Variants in SMARCD3 observed in about 807,000 individuals in gnomAD.
SMARCD3 encodes the protein SWI/SNF related BAF chromatin remodeling complex subunit D3, also known as SWI/SNF-related matrix-associated actin-dependent regulator of chromatin subfamily D member 3.
In SMARCD3, 14 loss-of-function variants were observed where a neutral mutation model predicts 58.0. That is an observed-to-expected ratio of 0.24 (90% confidence interval 0.16 to 0.38). The LOEUF (loss-of-function observed/expected upper bound fraction) is 0.38. Among genes scored for constraint, SMARCD3 ranks in the 10% least tolerant of loss-of-function variants. The pLI, the probability that SMARCD3 is intolerant of heterozygous loss-of-function variation, is 1.00. For missense variants in SMARCD3, 408 were observed against 636.9 expected (o/e 0.64, Z 3.87); for synonymous variants, 253 against 253.8 (o/e 1.00, Z 0.03).
rs138937036 is a variant in SMARCD3, at chr7:151,248,380, A to G, written c.78+105T>C. 4,378 of 974,804 alleles carry G rather than the reference A, an allele frequency of 4.5e-3. 14 individuals are homozygous for G. Among genetic ancestry groups the G allele is most frequent in the Non-Finnish European group, 5.7e-3 (3,569 of 621,890 alleles). The allele number at this position is 974,804 out of a possible 1,614,324, so 60.4% of individuals were successfully genotyped here. A position where few individuals can be genotyped will look rare whatever the true frequency, so the allele number is the denominator to read the frequency against. On this transcript the variant is annotated intron_variant, in intron 1 of 12. Coordinates refer to ENST00000262188, the MANE Select transcript of SMARCD3 (RefSeq NM_001003801.2). This position sits in a 1 kb window ranked among gnomAD's most constrained non-coding sequence, Gnocchi z 6.1. ...GCCGTGGGCCATGACGCCCCCCACT[A>G]GAGGGGTGGGAGAGCGGGAGCGCCC... is the stretch of plus-strand genomic sequence containing the variant.
At chr7:151,273,524 A>AACTGT (rs1336192643) in intron 2 of SMARCD3, among the ~76,000 whole-genome samples, 3 of 152,202 alleles carry the variant, frequency 2.0e-5, no homozygotes, top group African/African-American at 7.2e-5. Flanking sequence ...GACACCCCAG[A>AACTGT]ACTGTAGAGT....
At chr7:151,261,542 T>C (rs1803917692) in intron 2 of SMARCD3, among the ~76,000 whole-genome samples, 1 of 152,190 alleles carries the variant, frequency 6.6e-6, no homozygotes, top group Non-Finnish European at 1.5e-5. Context: ...GATTAAAATG[T>C]GGTTGAGCAT....
At chr7:151,271,584 G>A (rs566048661) in intron 2 of SMARCD3, among the ~76,000 whole-genome samples, 45 of 152,050 alleles carry the variant, frequency 3.0e-4, no homozygotes, top group Non-Finnish European at 3.2e-4. Flanking sequence ...ATGTGACTCT[G>A]TACTTAATTT....
At chr7:151,270,668 T>C (rs1474285094) in intron 2 of SMARCD3, among the ~76,000 whole-genome samples, 1 of 151,864 alleles carries the variant, frequency 6.6e-6, no homozygotes, top group Non-Finnish European at 1.5e-5. Context: ...GTGTCGGAGG[T>C]GCAGGGAACA....
At chr7:151,244,971 G>C (rs1355671217) in intron 2 of SMARCD3, among the ~76,000 whole-genome samples, 1 of 152,162 alleles carries the variant, frequency 6.6e-6, no homozygotes, top group Non-Finnish European at 1.5e-5. Flanking sequence ...CCTACCCACA[G>C]GGCAAATCCC....
At chr7:151,272,499 C>T (rs767482748) in intron 2 of SMARCD3, among the ~76,000 whole-genome samples, 1 of 152,120 alleles carries the variant, frequency 6.6e-6, no homozygotes, top group African/African-American at 2.4e-5. Context: ...GGGCATTTTC[C>T]CAGAACGATC....
intron 2 of SMARCD3, chr7:151,254,538 T>A (rs930188499): frequency 2.0e-5 from 3 of 152,440 alleles, no homozygotes; most frequent in Non-Finnish European, 4.4e-5. Flanking sequence ...CACCAGGGCT[T>A]TGGGCCAGCG....
chr7:151,262,576 C>T (rs751623251), intron 2 of SMARCD3, among the ~76,000 whole-genome samples: 2 of 152,256 alleles, frequency 1.3e-5, no homozygotes, highest in African/African-American at 2.4e-5. Flanking sequence ...TGCCCATTTA[C>T]ACCCATGACA....
chr7:151,239,480 G>C lies in SMARCD3; in HGVS notation c.1314C>G (p.Ala438=). ...SRDLKVMTDV[A]GNPEEERRAE... ...CCCGGCGCTCCTCTTCAGGGTTGCC[G>C]GCTACATCTGTCATCACCTGGGAGG... The change falls in exon 12 of 13, where the codon GCC becomes GCG. Residue 438 remains alanine, a synonymous_variant. Transcript: ENST00000262188. This position sits in a 1 kb window ranked among gnomAD's most constrained non-coding sequence, Gnocchi z 7.0. 1 of 1,613,674 alleles carries C rather than the reference G, an allele frequency of 6.2e-7. No homozygotes were observed.
At position 151,242,164 on chromosome 7, in the gene SMARCD3, A is replaced by G. The variant is rs763925762; in HGVS notation, c.648T>C (p.Leu216=). 3.1e-6 allele frequency: 5 copies of G among 1,613,906 alleles called. No individual in the cohort carries two copies. Among genetic ancestry groups the G allele is most frequent in the East Asian group, 2.2e-5 (1 of 44,892 alleles). Residue 216 remains leucine, a synonymous_variant, in exon 6 of 13, where the codon CTT becomes CTC. Coordinates refer to ENST00000262188, the MANE Select transcript of SMARCD3 (RefSeq NM_001003801.2). This position sits in a 1 kb window ranked among gnomAD's most constrained non-coding sequence, Gnocchi z 4.7. ...KSLVIELDKD[L]YGPDNHLVEW... is the part of the protein sequence containing the mutation. ...CAACGAGGTGGTTGTCAGGGCCATA[A>G]AGATCTTTGTCCAGCTCGATGACCA...
At chr7:151,263,605 A>G in intron 2 of SMARCD3, among the ~76,000 whole-genome samples, 2 of 152,224 alleles carry the variant, frequency 1.3e-5, no homozygotes, top group African/African-American at 2.4e-5. Flanking sequence ...TATTATGAAC[A>G]TCTTCTTCTC....
chr7:151,270,860 C>G (rs372121053), intron 2 of SMARCD3, among the ~76,000 whole-genome samples: 7 of 152,270 alleles, frequency 4.6e-5, no homozygotes, highest in African/African-American at 1.4e-4. Flanking sequence ...GTGTGTGGAC[C>G]AGGGCAGTGA....
At position 151,243,589 on chromosome 7, in the gene SMARCD3, GA is replaced by G. The variant is rs1803108045; in HGVS notation, c.333+69del. On this transcript the variant is annotated intron_variant, in intron 3 of 12. Coordinates refer to ENST00000262188, the MANE Select transcript of SMARCD3 (RefSeq NM_001003801.2). This position sits in a 1 kb window ranked among gnomAD's most constrained non-coding sequence, Gnocchi z 4.4. ...ACTGTGATGCTGAAGCTCTGCTTCTGAGGGGGGAGGGGAGGGCGGAGCAGCA... is the reference window on the plus strand; with the variant it reads ...ACTGTGATGCTGAAGCTCTGCTTCTGGGGGGGAGGGGAGGGCGGAGCAGCA... 2.3e-6 allele frequency: 2 copies of G among 856,124 alleles called. No homozygotes were observed. Among genetic ancestry groups the G allele is most frequent in the Admixed American group, 1.8e-5 (1 of 55,958 alleles). 53.0% of individuals were successfully genotyped at this position (856,124 alleles called of 1,614,324 possible).
In SMARCD3 at chr7:151,248,450, C is replaced by T; in HGVS notation, c.78+35G>A. On this transcript the variant is annotated intron_variant, in intron 1 of 12. Transcript: ENST00000262188. The surrounding 1 kb of genome is among the most constrained non-coding windows in gnomAD (Gnocchi z 6.1). The stretch of plus-strand genomic sequence containing the variant: ...GCCCTCCATTCAGCCCGAGCCAGCT[C>T]GCTTGCCCTCCCCCGCTAACTTTCC... The T allele has an allele frequency of 6.4e-7, 1 of 1,574,424 alleles. No homozygotes were observed. Among genetic ancestry groups the T allele is most frequent in the Non-Finnish European group, 8.7e-7 (1 of 1,145,736 alleles).
intron 2 of SMARCD3, among the ~76,000 whole-genome samples, chr7:151,264,045 T>G (rs1356303473): frequency 6.7e-6 from 1 of 149,668 alleles, no homozygotes; most frequent in Non-Finnish European, 1.5e-5. Flanking sequence ...AAGGTCAGGT[T>G]CCTGAAGACA....
intron 2 of SMARCD3, among the ~76,000 whole-genome samples, chr7:151,266,329 C>T (rs1307620693): frequency 2.7e-5 from 4 of 147,656 alleles, no homozygotes; most frequent in South Asian, 4.2e-4. Context: ...GTAAAGTTGT[C>T]TTTTTGTCTC....
intron 2 of SMARCD3, among the ~76,000 whole-genome samples, chr7:151,262,406 T>C (rs1282905487): frequency 1.3e-4 from 20 of 152,188 alleles, no homozygotes; most frequent in Admixed American, 9.8e-4. Context: ...TAAAAAGACT[T>C]TGTAAGGCCA....
chr7:151,249,315 G>T (rs1803429904), upstream of SMARCD3: 1 of 152,172 alleles, frequency 6.6e-6, no homozygotes, highest in Non-Finnish European at 1.5e-5. This position sits in a 1 kb window ranked among gnomAD's most constrained non-coding sequence, Gnocchi z 4.8. Flanking sequence ...GTGTGTGTCC[G>T]CGCCCTTTTG....
chr7:151,257,542 G>C (rs2150605866), intron 2 of SMARCD3, among the ~76,000 whole-genome samples: 1 of 152,178 alleles, frequency 6.6e-6, no homozygotes, highest in East Asian at 1.9e-4. Context: ...GGCCAGGCTG[G>C]TCTCGAACTC....
Sources: gnomAD v4.1 joint callset for allele counts (sites outside exome capture counted in the v4.1 genomes callset) on GRCh38, gnomAD v4.1.1 for gene constraint, Gnocchi (gnomAD v3.1) non-coding constraint, MANE v1.5 for transcripts, NCBI Gene and HGNC (gene_info 2026-07-23, HGNC 2026-07-21) for gene names.